The following MYRIP variants were observed in gnomAD, a reference collection of about 807,000 sequenced individuals.
The protein encoded by MYRIP is myosin VIIA and Rab interacting protein.
MYRIP carries 49 observed loss-of-function variants against 98.0 expected under a neutral mutation model. That is an observed-to-expected ratio of 0.50 (90% confidence interval 0.40 to 0.63). The LOEUF (loss-of-function observed/expected upper bound fraction) is 0.63. MYRIP is among the 30% of genes least tolerant of loss of function. MYRIP has a pLI of 0.00. For missense variants in MYRIP, 1,004 were observed against 1,058.2 expected, an observed-to-expected ratio of 0.95 and a Z score of 0.71; for synonymous variants, 404 against 409.5, an observed-to-expected ratio of 0.99 and a Z score of 0.16.
At chr3:39,987,087 C>T (rs978886533) in intron 2 of MYRIP, among the ~76,000 whole-genome samples, 5 of 152,076 alleles carry the variant, frequency 3.3e-5, no homozygotes, top group Non-Finnish European at 7.4e-5. Context: ...TTTGCTGCAC[C>T]TATCAACCCA....
chr3:39,879,996 C>G (rs1027411068), intron 1 of MYRIP, among the ~76,000 whole-genome samples: 1 of 151,992 alleles, frequency 6.6e-6, no homozygotes, highest in Admixed American at 6.6e-5. Flanking sequence ...ATTGAAGAAG[C>G]CTTATAAATA....
intron 3 of MYRIP, among the ~76,000 whole-genome samples, chr3:40,056,888 C>A (rs1411215359): frequency 1.3e-5 from 2 of 152,124 alleles, no homozygotes. Flanking sequence ...TTGAAATCCA[C>A]CATTCACTAT....
chr3:39,830,976 T>A (rs1175188900), intron 1 of MYRIP, among the ~76,000 whole-genome samples: 4 of 152,190 alleles, frequency 2.6e-5, no homozygotes, highest in Admixed American at 2.6e-4. Context: ...ATGACCACCA[T>A]GTTATGGAAT....
At chr3:40,106,107 C>A (rs939709447) in intron 3 of MYRIP, among the ~76,000 whole-genome samples, 1 of 152,058 alleles carries the variant, frequency 6.6e-6, no homozygotes, top group Non-Finnish European at 1.5e-5. Context: ...ATATCCAAAG[C>A]ATATCACATA....
chr3:40,107,517 C>T (rs1358695681), intron 3 of MYRIP, among the ~76,000 whole-genome samples: 2 of 152,160 alleles, frequency 1.3e-5, no homozygotes, highest in Non-Finnish European at 2.9e-5. Flanking sequence ...TCTTGGAGGT[C>T]TTCTTGACAG....
intron 12 of MYRIP, chr3:40,238,726 G>C (rs1413365191): frequency 1.3e-5 from 2 of 151,732 alleles, no homozygotes; most frequent in Non-Finnish European, 2.9e-5. Context: ...CTCTTTCCTT[G>C]AGGGACACAA....
rs534383916 is a variant in MYRIP, at chr3:40,093,796, A to G, written c.332+49525A>G. Reference sequence around the variant, plus strand: ...TGCAATTGGATGCAAAACCAGCAATAGCAATTTGCTTTAAACTCCTAACTA... The same window carrying G: ...TGCAATTGGATGCAAAACCAGCAATGGCAATTTGCTTTAAACTCCTAACTA... On this transcript the variant is annotated intron_variant, in intron 3 of 16. Coordinates refer to ENST00000302541, the MANE Select transcript of MYRIP (RefSeq NM_015460.4). Among the ~76,000 whole-genome samples, 3 of 152,358 alleles carry G rather than the reference A, an allele frequency of 2.0e-5. No individual in the cohort carries two copies. In the East Asian group the frequency reaches 5.8e-4, roughly 29 times the overall value.
chr3:39,961,859 G>C (rs1311587573), intron 2 of MYRIP, among the ~76,000 whole-genome samples: 1 of 152,100 alleles, frequency 6.6e-6, no homozygotes, highest in African/African-American at 2.4e-5. Context: ...CAACAAGTAG[G>C]AGATTAAAGG....
At chr3:40,054,797 A>G (rs1046922437) in intron 3 of MYRIP, among the ~76,000 whole-genome samples, 8 of 152,186 alleles carry the variant, frequency 5.3e-5, no homozygotes, top group African/African-American at 1.2e-4. Flanking sequence ...TGTTAGCTAG[A>G]ATGAAGGGGG....
chr3:40,020,666 A>G (rs1946971059), intron 2 of MYRIP, among the ~76,000 whole-genome samples: 1 of 152,214 alleles, frequency 6.6e-6, no homozygotes, highest in South Asian at 2.1e-4. Context: ...CAAAGATGGT[A>G]TATGCACCCA....
chr3:40,127,967 G>A (rs929850637), intron 3 of MYRIP, among the ~76,000 whole-genome samples: 12 of 152,166 alleles, frequency 7.9e-5, no homozygotes, highest in African/African-American at 2.9e-4. Context: ...AGCCTTAGCT[G>A]TTTCATCATC....
At chr3:39,963,759 T>G (rs775440870) in intron 2 of MYRIP, among the ~76,000 whole-genome samples, 1 of 152,150 alleles carries the variant, frequency 6.6e-6, no homozygotes, top group Non-Finnish European at 1.5e-5. Flanking sequence ...TATATCTGTC[T>G]TAAAAGTAAA....
At chr3:39,922,168 A>G (rs544340126) in intron 2 of MYRIP, among the ~76,000 whole-genome samples, 1 of 152,104 alleles carries the variant, frequency 6.6e-6, no homozygotes, top group Non-Finnish European at 1.5e-5. Flanking sequence ...CTTGAAGGTG[A>G]AAAAGTTGGC....
At chr3:39,966,215 G>A (rs1285628394) in intron 2 of MYRIP, among the ~76,000 whole-genome samples, 1 of 152,056 alleles carries the variant, frequency 6.6e-6, no homozygotes, top group Non-Finnish European at 1.5e-5. Context: ...TGTATCTATT[G>A]CCAAATCATT....
chr3:40,168,093 T>C (rs1950536265), intron 7 of MYRIP, among the ~76,000 whole-genome samples: 1 of 152,216 alleles, frequency 6.6e-6, no homozygotes, highest in Admixed American at 6.5e-5. Context: ...TGTACTGTAG[T>C]TGGTTTTTCT....
intron 3 of MYRIP, among the ~76,000 whole-genome samples, chr3:40,076,638 A>G (rs149577103): frequency 6.6e-6 from 1 of 152,250 alleles, no homozygotes; most frequent in East Asian, 1.9e-4. Context: ...GGCCTGGCCC[A>G]AAACAGGCAC....
rs573037203 is a variant in MYRIP, at chr3:40,047,951, C to T, written c.332+3680C>T. Among the ~76,000 whole-genome samples, 253 of 152,248 alleles carry T rather than the reference C, an allele frequency of 1.7e-3. 1 individual carries two copies. Among genetic ancestry groups the T allele is most frequent in the African/African-American group, 5.9e-3 (245 of 41,546 alleles). On this transcript the variant is annotated intron_variant, in intron 3 of 16. Coordinates refer to ENST00000302541, the MANE Select transcript of MYRIP (RefSeq NM_015460.4). ...CATCATGTAACACATTTAAGGATTACGTGACTTGAATATTGTGGCAGTATG... is the reference window on the plus strand; with the variant it reads ...CATCATGTAACACATTTAAGGATTATGTGACTTGAATATTGTGGCAGTATG...
chr3:40,224,163 C>T (rs910165074), intron 11 of MYRIP, among the ~76,000 whole-genome samples: 7 of 152,098 alleles, frequency 4.6e-5, no homozygotes, highest in South Asian at 4.1e-4. Flanking sequence ...CAGAAAGCTT[C>T]GGTTTATATT....
chr3:39,961,049 C>T (rs1377523970), intron 2 of MYRIP, among the ~76,000 whole-genome samples: 5 of 152,162 alleles, frequency 3.3e-5, no homozygotes, highest in Admixed American at 1.3e-4. Context: ...ATCTAAGATA[C>T]AAGCATTTCC....
Sources: allele counts gnomAD v4.1 joint callset (sites outside exome capture counted in the v4.1 genomes callset), GRCh38; gene constraint gnomAD v4.1.1; transcripts MANE v1.5; gene names NCBI Gene and HGNC (gene_info 2026-07-23, HGNC 2026-07-21).